MACROD2: variants seen among roughly 807,000 people sequenced by gnomAD.
The protein encoded by MACROD2 is ADP-ribose glycohydrolase MACROD2.
In MACROD2, 36 loss-of-function variants were observed where a neutral mutation model predicts 70.4. The observed-to-expected ratio is 0.51, with a 90% CI of 0.39 to 0.68. The LOEUF (loss-of-function observed/expected upper bound fraction) is 0.68. MACROD2 is among the 30% of genes least tolerant of loss of function. MACROD2 has a pLI of 0.00. For synonymous variants in MACROD2, 172 were observed against 178.8 expected, an observed-to-expected ratio of 0.96 and a Z score of 0.30; for missense variants, 496 against 538.4, an observed-to-expected ratio of 0.92 and a Z score of 0.78.
At chr20:15,948,087 G>A (rs1341157473) in intron 12 of MACROD2, among the ~76,000 whole-genome samples, 1 of 152,038 alleles carries the variant, frequency 6.6e-6, no homozygotes, top group Non-Finnish European at 1.5e-5. Context: ...TGAGAGACAG[G>A]ACTAGCTGGA....
intron 8 of MACROD2, among the ~76,000 whole-genome samples, chr20:15,524,750 A>G (rs909946886): frequency 6.6e-6 from 1 of 152,204 alleles, no homozygotes; most frequent in East Asian, 1.9e-4. Flanking sequence ...CCGTTCCTTG[A>G]GCACTAGCTA....
chr20:15,087,902 C>T (rs1013900622), intron 5 of MACROD2, among the ~76,000 whole-genome samples: 12 of 151,730 alleles, frequency 7.9e-5, no homozygotes, highest in Non-Finnish European at 1.6e-4. Flanking sequence ...GGTCAATAAA[C>T]ATATAAAGAT....
chr20:15,016,282 A>C (rs192770814), intron 5 of MACROD2, among the ~76,000 whole-genome samples: 32 of 152,334 alleles, frequency 2.1e-4, no homozygotes, highest in African/African-American at 7.7e-4. Context: ...AGCAGGGTGC[A>C]GTGTATCACT....
At chr20:14,052,285 T>A (rs2053577892) in intron 2 of MACROD2, among the ~76,000 whole-genome samples, 1 of 152,184 alleles carries the variant, frequency 6.6e-6, no homozygotes, top group Non-Finnish European at 1.5e-5. Context: ...CAGACTCATT[T>A]ACATGATAAT....
chr20:14,061,345 TC>T (rs1394907335), intron 2 of MACROD2, among the ~76,000 whole-genome samples: 3 of 152,160 alleles, frequency 2.0e-5, no homozygotes, highest in Non-Finnish European at 4.4e-5. Flanking sequence ...TTAAAAATAA[TC>T]TACAGTATTT....
chr20:15,490,817 G>C (rs2047222725), intron 7 of MACROD2, among the ~76,000 whole-genome samples: 1 of 152,174 alleles, frequency 6.6e-6, no homozygotes, highest in Non-Finnish European at 1.5e-5. Flanking sequence ...GGCTACTTGA[G>C]CTAATGGGAG....
At chr20:15,499,639 A>G (rs1271905011) in intron 7 of MACROD2, 135 bp from the exon 8 acceptor site, 3 of 709,186 alleles carry the variant, frequency 4.2e-6, no homozygotes, top group African/African-American at 1.8e-5. Context: ...ATCCATGTAC[A>G]TCTTACTGAG....
At chr20:14,037,645 G>T (rs1258630471) in intron 2 of MACROD2, among the ~76,000 whole-genome samples, 1 of 50,950 alleles carries the variant, frequency 2.0e-5, no homozygotes, top group Non-Finnish European at 3.6e-5. Context: ...GTGTGTTGGT[G>T]GGGGGGGTAG....
chr20:13,996,746 C>A (rs1489207631), intron 1 of MACROD2, among the ~76,000 whole-genome samples: 1 of 152,020 alleles, frequency 6.6e-6, no homozygotes, highest in Admixed American at 6.6e-5. Context: ...CACCTCTTTC[C>A]TTTTCATTCT....
In MACROD2 at chr20:15,158,968, A is replaced by G. The variant is rs145985683; in HGVS notation, c.419-70972A>G. 4.7e-3 allele frequency among the ~76,000 whole-genome samples: 717 copies of G among 152,210 alleles called. 7 individuals carry two copies. The highest frequency in any genetic ancestry group is 0.02 in the Middle Eastern group (6 of 294). The stretch of plus-strand genomic sequence containing the variant: ...TTAATCTCCATTTCTTGCCAATCCA[A>G]TGTATTTTTCTCCCTCAAATGCATA... On this transcript the variant is annotated intron_variant, in intron 5 of 17. Coordinates refer to ENST00000684519, the MANE Select transcript of MACROD2 (RefSeq NM_001351661.2).
At chr20:15,022,951 A>G (rs1471508672) in intron 5 of MACROD2, 1 of 152,194 alleles carries the variant, frequency 6.6e-6, no homozygotes, top group Non-Finnish European at 1.5e-5. Context: ...GAAGCATTCC[A>G]TAAAAAATTA....
intron 6 of MACROD2, among the ~76,000 whole-genome samples, chr20:15,287,657 C>G (rs2077503904): frequency 5.3e-5 from 8 of 152,150 alleles, no homozygotes; most frequent in Admixed American, 5.2e-4. Flanking sequence ...GGGAAGTCAC[C>G]CTAGAGAATA....
intron 8 of MACROD2, among the ~76,000 whole-genome samples, chr20:15,745,511 A>G (rs1199998991): frequency 6.6e-6 from 1 of 152,124 alleles, no homozygotes; most frequent in East Asian, 1.9e-4. Flanking sequence ...CCTGGATACT[A>G]TTTCAGTCAA....
intron 5 of MACROD2, among the ~76,000 whole-genome samples, chr20:14,841,628 T>C (rs1031492453): frequency 6.6e-6 from 1 of 152,170 alleles, no homozygotes; most frequent in Non-Finnish European, 1.5e-5. Context: ...AGTGTCTTGC[T>C]GTTCTATTGT....
At chr20:14,696,685 A>G (rs2071129827) in intron 5 of MACROD2, among the ~76,000 whole-genome samples, 1 of 152,142 alleles carries the variant, frequency 6.6e-6, no homozygotes, top group Non-Finnish European at 1.5e-5. Flanking sequence ...AGTGAAGATC[A>G]TGAGACACAG....
At chr20:15,973,018 G>A (rs2066254192) in intron 13 of MACROD2, among the ~76,000 whole-genome samples, 1 of 152,030 alleles carries the variant, frequency 6.6e-6, no homozygotes, top group South Asian at 2.1e-4. Context: ...GTGATAAAAT[G>A]ATAAAGAAGA....
intron 3 of MACROD2, among the ~76,000 whole-genome samples, chr20:14,090,209 G>T (rs2054128613): frequency 6.6e-6 from 1 of 152,142 alleles, no homozygotes; most frequent in African/African-American, 2.4e-5. Context: ...CTTTGTAGTT[G>T]TATTTAATGA....
chr20:14,182,692 G>A (rs946940232), intron 3 of MACROD2, among the ~76,000 whole-genome samples: 1 of 152,032 alleles, frequency 6.6e-6, no homozygotes, highest in Admixed American at 6.6e-5. Flanking sequence ...ACAAATGTTA[G>A]TTTTTAAAAA....
chr20:15,201,356 G>A (rs995196330), intron 5 of MACROD2, among the ~76,000 whole-genome samples: 1 of 152,040 alleles, frequency 6.6e-6, no homozygotes, highest in Non-Finnish European at 1.5e-5. Context: ...TAACTATTTT[G>A]GCCATGTCTC....
Sources: gnomAD v4.1 joint callset for allele counts (sites outside exome capture counted in the v4.1 genomes callset) on GRCh38, gnomAD v4.1.1 for gene constraint, MANE v1.5 for transcripts, NCBI Gene and HGNC (gene_info 2026-07-23, HGNC 2026-07-21) for gene names.